The following DNAAF9 variants were observed in gnomAD, a reference collection of about 807,000 sequenced individuals.
DNAAF9 encodes dynein axonemal assembly factor 9, also known as shulin.
DNAAF9 carries 90 observed loss-of-function variants against 167.0 expected under a neutral mutation model. The observed-to-expected ratio is 0.54, with a 90% CI of 0.45 to 0.64. The LOEUF is 0.64. Among genes scored for constraint, DNAAF9 ranks in the 30% least tolerant of loss-of-function variants. The pLI, the probability that DNAAF9 is intolerant of heterozygous loss-of-function variation, is 0.00. For synonymous variants in DNAAF9, 491 were observed against 508.8 expected, an observed-to-expected ratio of 0.96 and a Z score of 0.47; for missense variants, 1,315 against 1,442.2, an observed-to-expected ratio of 0.91 and a Z score of 1.43.
chr20:3,268,205 T>C (rs936951982), intron 30 of DNAAF9, among the ~76,000 whole-genome samples: 1 of 151,914 alleles, frequency 6.6e-6, no homozygotes, highest in Non-Finnish European at 1.5e-5. Context: ...ATTTTTTGTA[T>C]TTTTAGTAGA....
chr20:3,403,769 T>G (rs2084019277), intron 1 of DNAAF9, among the ~76,000 whole-genome samples: 1 of 152,100 alleles, frequency 6.6e-6, no homozygotes, highest in South Asian at 2.1e-4. Flanking sequence ...AATATGACTG[T>G]CTATATTCAG....
chr20:3,351,901 C>CTCG (rs1338063259), intron 7 of DNAAF9, among the ~76,000 whole-genome samples: 3 of 151,750 alleles, frequency 2.0e-5, no homozygotes, highest in African/African-American at 7.3e-5. Context: ...CAGGCGTGAT[C>CTCG]TCAGTGGCAT....
chr20:3,327,475 G>A lies in DNAAF9; in HGVS notation c.1101-1191C>T, dbSNP rs563484282. Reference sequence around the variant, plus strand: ...CTTAGGACACTTACGAAGAGAAGGGGCTCATCCAAGGGTCCCTGAAAGGCC... The same window carrying A: ...CTTAGGACACTTACGAAGAGAAGGGACTCATCCAAGGGTCCCTGAAAGGCC... On this transcript the variant is annotated intron_variant, in intron 12 of 36. Coordinates refer to ENST00000252032, the MANE Select transcript of DNAAF9 (RefSeq NM_001009984.3). Among the ~76,000 whole-genome samples the A allele has an allele frequency of 9.2e-5, 14 of 152,162 alleles. 1 individual carries two copies. Among genetic ancestry groups the A allele is most frequent in the African/African-American group, 3.4e-4 (14 of 41,510 alleles).
intron 7 of DNAAF9, among the ~76,000 whole-genome samples, chr20:3,349,643 T>A (rs2070275268): frequency 6.6e-6 from 1 of 152,134 alleles, no homozygotes; most frequent in Non-Finnish European, 1.5e-5. Context: ...CTCCTCTACA[T>A]ACAGCCTCCA....
intron 27 of DNAAF9, among the ~76,000 whole-genome samples, chr20:3,284,510 A>C (rs904262266): frequency 4.7e-5 from 6 of 126,648 alleles, no homozygotes; most frequent in African/African-American, 1.6e-4. Flanking sequence ...ACTCTGGCTA[A>C]ACTGACCCAA....
At chr20:3,259,258 G>C (rs762857032) in intron 33 of DNAAF9, among the ~76,000 whole-genome samples, 2 of 152,210 alleles carry the variant, frequency 1.3e-5, no homozygotes, top group Non-Finnish European at 2.9e-5. Flanking sequence ...CAGGCGAGGA[G>C]GGCAAACCTC....
chr20:3,266,855 C>CT (rs556863917), intron 30 of DNAAF9, among the ~76,000 whole-genome samples: 33,150 of 136,058 alleles, frequency 0.24, 4,240 homozygotes, highest in African/African-American at 0.33. Flanking sequence ...CCCCTTCCAC[C>CT]TTTTTTTTTT....
At chr20:3,295,707 C>T (rs2069062377) in intron 23 of DNAAF9, 1 of 593,592 alleles carries the variant, frequency 1.7e-6, no homozygotes, top group Non-Finnish European at 3.3e-6. Flanking sequence ...TGCAACCGTC[C>T]CCTTTTATTA....
At chr20:3,264,001 G>A (rs1005020241) in intron 31 of DNAAF9, among the ~76,000 whole-genome samples, 1 of 152,196 alleles carries the variant, frequency 6.6e-6, no homozygotes, top group African/African-American at 2.4e-5. Flanking sequence ...TCCACAGGCT[G>A]TGCAGCATCC....
intron 8 of DNAAF9, among the ~76,000 whole-genome samples, chr20:3,344,573 G>A (rs2123122290): frequency 7.2e-6 from 1 of 139,324 alleles, no homozygotes; most frequent in African/African-American, 2.6e-5. Flanking sequence ...CAATATAATG[G>A]AAAAAATACA....
Position 3,290,197 on chromosome 20 carries a change from G to A in DNAAF9, c.2259C>T (p.Thr753=), listed in dbSNP as rs763173700. The change falls in exon 26 of 37, where the codon ACC becomes ACT. Residue 753 remains threonine, a synonymous_variant. Transcript: ENST00000252032. ...CGCTAGCGTGACAGCCTGGGAGGCC[G>A]GTTACAATGCTGATAATTACCTACA... The part of the protein sequence containing the change: ...ESDKVIISIV[T]GLPGCHASEL... 14 of 1,610,092 alleles carry A rather than the reference G, an allele frequency of 8.7e-6. No individual in the cohort carries two copies. The highest frequency in any genetic ancestry group is 2.7e-5 in the African/African-American group (2 of 74,824).
intron 1 of DNAAF9, among the ~76,000 whole-genome samples, chr20:3,400,886 T>A (rs1174628888): frequency 6.6e-6 from 1 of 152,142 alleles, no homozygotes; most frequent in Non-Finnish European, 1.5e-5. Context: ...GGACCAGAAA[T>A]AAAGCCATAC....
At position 3,300,666 on chromosome 20, in the gene DNAAF9, G is replaced by A. The variant is rs1055691705; in HGVS notation, c.1783-2491C>T. On this transcript the variant is annotated intron_variant, in intron 21 of 36. Coordinates refer to ENST00000252032, the MANE Select transcript of DNAAF9 (RefSeq NM_001009984.3). The stretch of plus-strand genomic sequence containing the variant: ...TGCACTCCAGCCTGGGTGACAGAGC[G>A]AGACTCCATCTAAATAATAATAATA... Among the ~76,000 whole-genome samples the A allele has an allele frequency of 4.2e-5, 6 of 143,006 alleles. No individual in the cohort carries two copies. In the South Asian group the frequency reaches 6.7e-4, roughly 16 times the overall value. The allele number at this position is 143,006 out of a possible 152,430, so 93.8% of individuals were successfully genotyped here.
chr20:3,302,561 G>C (rs1482519425), intron 21 of DNAAF9, among the ~76,000 whole-genome samples: 1 of 152,112 alleles, frequency 6.6e-6, no homozygotes, highest in African/African-American at 2.4e-5. Flanking sequence ...TAATTAGTCT[G>C]ACAAATTTTA....
intron 10 of DNAAF9, among the ~76,000 whole-genome samples, chr20:3,334,821 A>G (rs1006434882): frequency 1.3e-5 from 2 of 152,242 alleles, no homozygotes; most frequent in African/African-American, 4.8e-5. Flanking sequence ...CCCCAGGATG[A>G]TAAGAAATTC....
intron 20 of DNAAF9, among the ~76,000 whole-genome samples, chr20:3,312,343 C>T (rs1250630277): frequency 6.6e-6 from 1 of 152,022 alleles, no homozygotes; most frequent in Non-Finnish European, 1.5e-5. Context: ...ATCAGAAGAC[C>T]TGTACTATCC....
rs35251429 is a variant in DNAAF9 at position 3,350,156 on chromosome 20, G to GACACACACACACAC, written c.691-1547_691-1534dup. ...AGACACACAGACACACAGACACACAGACACACACACACACACACACACACA... is the reference window on the plus strand; with the variant it reads ...AGACACACAGACACACAGACACACAGACACACACACACACACACACACACACACACACACACACA... On this transcript the variant is annotated intron_variant, in intron 7 of 36. Coordinates refer to ENST00000252032, the MANE Select transcript of DNAAF9 (RefSeq NM_001009984.3). Among the ~76,000 whole-genome samples, 638 of 89,902 alleles carry GACACACACACACAC rather than the reference G, an allele frequency of 7.1e-3. 1 individual carries two copies. Among genetic ancestry groups the GACACACACACACAC allele is most frequent in the Admixed American group, 0.011 (94 of 8,828 alleles). The allele number at this position is 89,902 out of a possible 152,430, so 59.0% of individuals were successfully genotyped here.
At chr20:3,366,755 T>G (rs1031778113) in intron 6 of DNAAF9, among the ~76,000 whole-genome samples, 1 of 151,514 alleles carries the variant, frequency 6.6e-6, no homozygotes, top group Non-Finnish European at 1.5e-5. Flanking sequence ...TGAGACCCCA[T>G]TTCTACAAAA....
Position 3,278,938 on chromosome 20 carries a change from G to T in DNAAF9, c.2624C>A (p.Pro875His). The change falls in exon 29 of 37, where the codon CCT becomes CAT. Residue 875 changes from proline (P) to histidine (H), a missense_variant. Physicochemically the swap from Pro to His is moderately conservative, Grantham distance 77. Transcript: ENST00000252032. ...SCYMEHRFLF[P>H]KCLDQCSQGL... is the part of the protein sequence containing the mutation. ...TTGTGAACACTGGTCAAGACATTTAGGAAAGAGAAATCTAGGGGGAAAAAA... is the reference window on the plus strand; with the variant it reads ...TTGTGAACACTGGTCAAGACATTTATGAAAGAGAAATCTAGGGGGAAAAAA... 6.9e-6 allele frequency: 11 copies of T among 1,600,724 alleles called. No homozygotes were observed. The highest frequency in any genetic ancestry group is 9.4e-6 in the Non-Finnish European group (11 of 1,168,680).
Sources: gnomAD v4.1 joint callset for allele counts (sites outside exome capture counted in the v4.1 genomes callset) on GRCh38, gnomAD v4.1.1 for gene constraint, MANE v1.5 for transcripts, NCBI Gene and HGNC (gene_info 2026-07-23, HGNC 2026-07-21) for gene names.